The following GRID1 variants were observed in gnomAD, a reference collection of about 807,000 sequenced individuals.
GRID1 encodes glutamate receptor ionotropic, delta-1.
A neutral mutation model predicts 98.0 loss-of-function variants in GRID1; 28 were observed. The observed-to-expected ratio is 0.29, with a 90% CI of 0.21 to 0.39. The LOEUF (loss-of-function observed/expected upper bound fraction) is 0.39. Among genes scored for constraint, GRID1 ranks in the 10% least tolerant of loss-of-function variants. The pLI is 1.00. For missense variants in GRID1, 1,111 were observed against 1,340.5 expected, an observed-to-expected ratio of 0.83 and a Z score of 2.67; for synonymous variants, 553 against 538.5, an observed-to-expected ratio of 1.03 and a Z score of -0.37.
intron 8 of GRID1, among the ~76,000 whole-genome samples, chr10:85,756,226 T>C (rs1483657651): frequency 1.3e-5 from 2 of 152,210 alleles, no homozygotes; most frequent in African/African-American, 4.8e-5. Flanking sequence ...AATTTGCAGT[T>C]TGAGCTGTGA....
intron 5 of GRID1, among the ~76,000 whole-genome samples, chr10:85,870,595 C>T (rs1843269107): frequency 6.6e-6 from 1 of 152,284 alleles, no homozygotes; most frequent in African/African-American, 2.4e-5. Flanking sequence ...GCCAAAGTGC[C>T]GCTGGTAGGC....
intron 4 of GRID1, among the ~76,000 whole-genome samples, chr10:85,987,887 T>C (rs533762483): frequency 1.4e-4 from 21 of 152,096 alleles, no homozygotes; most frequent in Non-Finnish European, 2.6e-4. Context: ...TTTGTGACTC[T>C]TCAGTGTGAC....
At chr10:85,815,846 C>T (rs1842711446) in intron 8 of GRID1, among the ~76,000 whole-genome samples, 1 of 151,866 alleles carries the variant, frequency 6.6e-6, no homozygotes, top group Non-Finnish European at 1.5e-5. Context: ...ATTAAGAATA[C>T]ATCTATAGAA....
chr10:85,961,513 C>T (rs1268748097), intron 4 of GRID1, among the ~76,000 whole-genome samples: 1 of 150,834 alleles, frequency 6.6e-6, no homozygotes, highest in Non-Finnish European at 1.5e-5. Context: ...TCTGTCCTCC[C>T]TCCCTTCTGC....
intron 5 of GRID1, among the ~76,000 whole-genome samples, chr10:85,882,314 A>T (rs1841043399): frequency 3.3e-5 from 5 of 152,210 alleles, no homozygotes. Context: ...CTATAAAGAC[A>T]CATGCACACG....
intron 4 of GRID1, among the ~76,000 whole-genome samples, chr10:86,125,889 T>C (rs931577740): frequency 6.6e-6 from 1 of 152,248 alleles, no homozygotes; most frequent in Non-Finnish European, 1.5e-5. Context: ...TAGTATATAA[T>C]ACCTATAACA....
chr10:85,823,164 G>A (rs1842788637), intron 8 of GRID1, among the ~76,000 whole-genome samples: 1 of 151,980 alleles, frequency 6.6e-6, no homozygotes, highest in African/African-American at 2.4e-5. Context: ...TTGTGCAAAT[G>A]TACCCTAGAA....
chr10:86,141,047 C>A (rs1845003754), intron 3 of GRID1, among the ~76,000 whole-genome samples: 1 of 152,110 alleles, frequency 6.6e-6, no homozygotes, highest in Non-Finnish European at 1.5e-5. Flanking sequence ...AACCCACTGG[C>A]TTCACAAAGA....
intron 4 of GRID1, among the ~76,000 whole-genome samples, chr10:86,091,821 A>G (rs192515920): frequency 5.8e-4 from 88 of 152,330 alleles, no homozygotes; most frequent in Middle Eastern, 3.4e-3. Context: ...CTCTGTGCAG[A>G]CAACCCCCAA....
intron 8 of GRID1, among the ~76,000 whole-genome samples, chr10:85,789,247 A>G (rs1842456522): frequency 6.6e-6 from 1 of 152,136 alleles, no homozygotes; most frequent in Non-Finnish European, 1.5e-5. Context: ...GGAACCACAG[A>G]GCTGGCTCTG....
intron 5 of GRID1, among the ~76,000 whole-genome samples, chr10:85,908,090 C>T (rs1274463969): frequency 6.6e-6 from 1 of 152,130 alleles, no homozygotes; most frequent in Non-Finnish European, 1.5e-5. Context: ...TGATGAAAAA[C>T]TGTGTGTGTT....
chr10:86,068,299 T>C (rs1439542683), intron 4 of GRID1, among the ~76,000 whole-genome samples: 1 of 152,154 alleles, frequency 6.6e-6, no homozygotes, highest in African/African-American at 2.4e-5. Context: ...CAAGGGGCTA[T>C]GTGAAGTCAG....
intron 3 of GRID1, among the ~76,000 whole-genome samples, chr10:86,151,425 A>C (rs188701120): frequency 2.0e-5 from 3 of 151,184 alleles, no homozygotes; most frequent in African/African-American, 4.9e-5. Context: ...AGACACAGCA[A>C]CTCCCATCCC....
chr10:86,067,956 C>G (rs1275467479), intron 4 of GRID1, among the ~76,000 whole-genome samples: 2 of 152,236 alleles, frequency 1.3e-5, no homozygotes, highest in African/African-American at 2.4e-5. Flanking sequence ...TAAATCACTT[C>G]TGCAATGCCA....
At chr10:86,253,264 A>T (rs987843972) in intron 2 of GRID1, among the ~76,000 whole-genome samples, 3 of 152,258 alleles carry the variant, frequency 2.0e-5, no homozygotes, top group African/African-American at 7.2e-5. Context: ...GCATCTCTGC[A>T]TCGGAGGCCT....
At chr10:85,967,587 A>T (rs999423348) in intron 4 of GRID1, among the ~76,000 whole-genome samples, 2 of 152,218 alleles carry the variant, frequency 1.3e-5, no homozygotes, top group Non-Finnish European at 2.9e-5. Flanking sequence ...AATCGTGTCT[A>T]AAAAAATTAA....
intron 8 of GRID1, among the ~76,000 whole-genome samples, chr10:85,735,032 T>C (rs1841865069): frequency 6.6e-6 from 1 of 152,194 alleles, no homozygotes; most frequent in South Asian, 2.1e-4. Context: ...CCGATGGGCT[T>C]GATAAGTGGG....
chr10:85,900,737 C>G (rs1375005228), intron 5 of GRID1, among the ~76,000 whole-genome samples: 1 of 152,196 alleles, frequency 6.6e-6, no homozygotes, highest in Non-Finnish European at 1.5e-5. Context: ...CCATGACACT[C>G]TAAGCTCTCT....
intron 4 of GRID1, among the ~76,000 whole-genome samples, chr10:86,081,017 T>C (rs1177612467): frequency 2.6e-5 from 4 of 151,974 alleles, no homozygotes; most frequent in Admixed American, 2.0e-4. Flanking sequence ...CAGAGCCCAC[T>C]GACAAGGGAG....
Sources: allele counts gnomAD v4.1 joint callset (sites outside exome capture counted in the v4.1 genomes callset), GRCh38; gene constraint gnomAD v4.1.1; transcripts MANE v1.5; gene names NCBI Gene and HGNC (gene_info 2026-07-23, HGNC 2026-07-21).